Variants in INPP4B observed in about 807,000 individuals in gnomAD.
INPP4B encodes the protein inositol polyphosphate-4-phosphatase type II B.
A neutral mutation model predicts 122.5 loss-of-function variants in INPP4B; 55 were observed. The observed-to-expected ratio is 0.45, with a 90% CI of 0.36 to 0.56. The LOEUF is 0.56. Among genes scored for constraint, INPP4B ranks in the 20% least tolerant of loss-of-function variants. The pLI, the probability that INPP4B is intolerant of heterozygous loss-of-function variation, is 0.00. For synonymous variants in INPP4B, 403 were observed against 388.7 expected (o/e 1.04, Z -0.43); for missense variants, 1,000 against 1,097.7 (o/e 0.91, Z 1.26).
intron 12 of INPP4B, among the ~76,000 whole-genome samples, chr4:142,215,631 A>G (rs1476724022): frequency 6.6e-6 from 1 of 151,944 alleles, no homozygotes. Context: ...CTTCATTGAT[A>G]TAAGAAGCAA....
At chr4:142,435,040 C>G (rs1810133220) in intron 3 of INPP4B, among the ~76,000 whole-genome samples, 1 of 152,094 alleles carries the variant, frequency 6.6e-6, no homozygotes, top group Admixed American at 6.5e-5. Flanking sequence ...GTGACTGGGC[C>G]AGGATTGCTG....
chr4:142,427,157 GA>G (rs1260841753), intron 5 of INPP4B: 1 of 179,208 alleles, frequency 5.6e-6, no homozygotes. Context: ...TAATACCCTT[GA>G]AAGAGTAGTT....
intron 25 of INPP4B, among the ~76,000 whole-genome samples, chr4:142,030,868 A>ATATT (rs1408270197): frequency 6.6e-6 from 1 of 152,158 alleles, no homozygotes; most frequent in East Asian, 1.9e-4. Context: ...GCAAGCCATA[A>ATATT]TATTAGTTTA....
intron 11 of INPP4B, among the ~76,000 whole-genome samples, chr4:142,246,750 A>G (rs1219684164): frequency 6.6e-6 from 1 of 152,180 alleles, no homozygotes; most frequent in Non-Finnish European, 1.5e-5. Context: ...AAACAGAGAC[A>G]ATTCGACTTC....
chr4:142,749,457 C>T (rs1281858299), intron 1 of INPP4B, among the ~76,000 whole-genome samples: 3 of 149,660 alleles, frequency 2.0e-5, no homozygotes, highest in Admixed American at 6.7e-5. Flanking sequence ...ATACTGGATA[C>T]GAAGGATGAA....
intron 1 of INPP4B, among the ~76,000 whole-genome samples, chr4:142,754,870 C>T (rs1437939530): frequency 6.6e-6 from 1 of 152,002 alleles, no homozygotes; most frequent in African/African-American, 2.4e-5. Flanking sequence ...TTGAGAGGAG[C>T]TAGCAGGCCC....
chr4:142,326,002 C>T (rs980225645), intron 7 of INPP4B, among the ~76,000 whole-genome samples: 2 of 152,196 alleles, frequency 1.3e-5, no homozygotes, highest in African/African-American at 4.8e-5. Context: ...CTGAAAGATA[C>T]AGGATCTGCT....
intron 8 of INPP4B, among the ~76,000 whole-genome samples, chr4:142,312,034 G>T (rs6831744): frequency 6.6e-6 from 1 of 151,770 alleles, no homozygotes; most frequent in Non-Finnish European, 1.5e-5. Context: ...AGTTTGTCAC[G>T]TTACTTGCCT....
At chr4:142,115,298 G>A (rs1792542354) in intron 21 of INPP4B, among the ~76,000 whole-genome samples, 1 of 152,056 alleles carries the variant, frequency 6.6e-6, no homozygotes, top group Admixed American at 6.6e-5. Context: ...TCAAATTCAA[G>A]AAATACAGAG....
chr4:142,819,887 C>T (rs1209826669), intron 1 of INPP4B, among the ~76,000 whole-genome samples: 1 of 152,028 alleles, frequency 6.6e-6, no homozygotes, highest in East Asian at 1.9e-4. Context: ...TTTCATTCCT[C>T]CACAGTCCCT....
intron 2 of INPP4B, among the ~76,000 whole-genome samples, chr4:142,474,718 T>C (rs1819519842): frequency 6.6e-6 from 1 of 152,188 alleles, no homozygotes; most frequent in Admixed American, 6.5e-5. Flanking sequence ...GTCCCACTTC[T>C]ATGTGAACTC....
intron 2 of INPP4B, among the ~76,000 whole-genome samples, chr4:142,480,402 G>C (rs1000238549): frequency 3.5e-4 from 53 of 152,244 alleles, no homozygotes; most frequent in African/African-American, 1.3e-3. Context: ...ACTGCAGACA[G>C]GTCACTTAGT....
intron 11 of INPP4B, among the ~76,000 whole-genome samples, chr4:142,248,150 A>G (rs1316949699): frequency 6.6e-6 from 1 of 151,932 alleles, no homozygotes; most frequent in Non-Finnish European, 1.5e-5. Flanking sequence ...CCCCCATCCC[A>G]AGATCAGGTT....
chr4:142,355,370 T>C (rs543241602), intron 7 of INPP4B, among the ~76,000 whole-genome samples: 1 of 151,984 alleles, frequency 6.6e-6, no homozygotes, highest in African/African-American at 2.4e-5. Flanking sequence ...CTCTTTTTTT[T>C]CCCCCCACCA....
chr4:142,516,558 A>T (rs1189743412), intron 2 of INPP4B, among the ~76,000 whole-genome samples: 1 of 152,160 alleles, frequency 6.6e-6, no homozygotes, highest in Non-Finnish European at 1.5e-5. Context: ...AGCTCCAGAG[A>T]TCAACACACA....
At chr4:142,122,289 G>T (rs201248813) in intron 20 of INPP4B, 44 bp from the exon 21 acceptor site, 1 of 1,388,144 alleles carries the variant, frequency 7.2e-7, no homozygotes, top group East Asian at 2.3e-5. Flanking sequence ...AACATTTGAG[G>T]AAAATGTCAC....
chr4:142,246,015 TGTGTG>T lies in INPP4B; in HGVS notation c.689-8009_689-8005del, dbSNP rs1561600894. 3.9e-4 allele frequency among the ~76,000 whole-genome samples: 55 copies of T among 141,438 alleles called. 2 individuals carry two copies. The highest frequency in any genetic ancestry group is 8.2e-4 in the African/African-American group (30 of 36,436). 92.8% of individuals were successfully genotyped at this position (141,438 alleles called of 152,430 possible). A position where few individuals can be genotyped will look rare whatever the true frequency, so the allele number is the denominator to read the frequency against. Reference sequence around the variant, plus strand: ...ATATATATGTGTATGTATACACACATGTGTGTATGTACACACACGTGTGTGTATAC... The same window carrying T: ...ATATATATGTGTATGTATACACACATTATGTACACACACGTGTGTGTATAC... On this transcript the variant is annotated intron_variant, in intron 11 of 25. Coordinates refer to ENST00000262992, the MANE Select transcript of INPP4B (RefSeq NM_001101669.3).
intron 2 of INPP4B, among the ~76,000 whole-genome samples, chr4:142,641,018 T>C (rs1346372814): frequency 6.6e-6 from 1 of 152,160 alleles, no homozygotes; most frequent in Non-Finnish European, 1.5e-5. Flanking sequence ...TGTTTGGCAA[T>C]ATCTGCTAAC....
chr4:142,606,193 A>T (rs927193362), intron 2 of INPP4B, among the ~76,000 whole-genome samples: 6 of 151,862 alleles, frequency 4.0e-5, no homozygotes, highest in African/African-American at 7.2e-5. Flanking sequence ...GCACTAAAAA[A>T]CTTTAATCTC....
Sources: gnomAD v4.1 joint callset for allele counts (sites outside exome capture counted in the v4.1 genomes callset) on GRCh38, gnomAD v4.1.1 for gene constraint, MANE v1.5 for transcripts, NCBI Gene and HGNC (gene_info 2026-07-23, HGNC 2026-07-21) for gene names.